PRKAG2: variants seen among roughly 807,000 people sequenced by gnomAD.
PRKAG2 encodes 5'-AMP-activated protein kinase subunit gamma-2.
PRKAG2 carries 26 observed loss-of-function variants against 69.6 expected under a neutral mutation model. That is an observed-to-expected ratio of 0.37 (90% CI 0.27 to 0.52). The LOEUF (loss-of-function observed/expected upper bound fraction) is 0.52, where lower values mean the gene tolerates loss of function less well. Ranked by LOEUF, PRKAG2 falls within the 20% of genes least tolerant of loss-of-function variation. PRKAG2 has a pLI of 0.90. For missense variants in PRKAG2, 557 were observed against 740.0 expected, an observed-to-expected ratio of 0.75 and a Z score of 2.87; for synonymous variants, 293 against 285.0, an observed-to-expected ratio of 1.03 and a Z score of -0.28.
At chr7:151,832,849 C>T (rs984701317) in intron 1 of PRKAG2, among the ~76,000 whole-genome samples, 10 of 152,246 alleles carry the variant, frequency 6.6e-5, no homozygotes, top group Middle Eastern at 6.8e-3. Flanking sequence ...GCAGTTAGGA[C>T]GGTGGCCATT....
At chr7:151,856,885 G>A (rs2151902713) in intron 1 of PRKAG2, among the ~76,000 whole-genome samples, 1 of 152,196 alleles carries the variant, frequency 6.6e-6, no homozygotes, top group East Asian at 1.9e-4. Context: ...AGGACAGCAG[G>A]CAGAAGACAA....
chr7:151,827,906 G>C (rs2078945061), intron 1 of PRKAG2, among the ~76,000 whole-genome samples: 1 of 152,146 alleles, frequency 6.6e-6, no homozygotes, highest in Non-Finnish European at 1.5e-5. Context: ...GTGGATGTGG[G>C]CGCTTCCCTG....
intron 12 of PRKAG2, 39 bp from the exon 13 acceptor site, chr7:151,565,422 G>A: frequency 2.4e-6 from 3 of 1,262,550 alleles, no homozygotes; most frequent in South Asian, 2.7e-5. Flanking sequence ...ATGTCTTAAG[G>A]GACAAAAAGA....
intron 3 of PRKAG2, among the ~76,000 whole-genome samples, chr7:151,714,070 T>A (rs540251302): frequency 3.5e-4 from 54 of 152,220 alleles, no homozygotes; most frequent in African/African-American, 1.3e-3. Context: ...AGCGGTTAGA[T>A]AACTCGGGCT....
At chr7:151,746,155 G>A (rs1268423139) in intron 3 of PRKAG2, among the ~76,000 whole-genome samples, 1 of 152,218 alleles carries the variant, frequency 6.6e-6, no homozygotes, top group Non-Finnish European at 1.5e-5. Flanking sequence ...TTAACTCCCG[G>A]ACTCAGCGGA....
rs117410824 is a variant in PRKAG2, at chr7:151,639,412, A to T, written c.685-7274T>A. ...AGTCATCTTGACTGGATTAAGGAAC[A>T]CCTAGACAACCGGTAAAGCATTATT... On this transcript the variant is annotated intron_variant, in intron 4 of 15. Transcript: ENST00000287878. 3.8e-3 allele frequency among the ~76,000 whole-genome samples: 571 copies of T among 152,186 alleles called. 2 individuals carry two copies. Among genetic ancestry groups the T allele is most frequent in the Non-Finnish European group, 6.3e-3 (429 of 67,992 alleles).
chr7:151,643,213 T>C (rs1827036444), intron 4 of PRKAG2, among the ~76,000 whole-genome samples: 1 of 152,346 alleles, frequency 6.6e-6, no homozygotes, highest in Admixed American at 6.5e-5. Context: ...ACTCTTAGTA[T>C]TGTCTTATAA....
At chr7:151,658,304 G>A (rs1829793719) in intron 4 of PRKAG2, among the ~76,000 whole-genome samples, 1 of 151,280 alleles carries the variant, frequency 6.6e-6, no homozygotes, top group Non-Finnish European at 1.5e-5. Context: ...TGACCAACAT[G>A]GTGAAACCCC....
intron 7 of PRKAG2, among the ~76,000 whole-genome samples, 154 bp from the exon 8 acceptor site, chr7:151,575,103 T>C (rs1296382620): frequency 6.6e-6 from 1 of 152,186 alleles, no homozygotes; most frequent in African/African-American, 2.4e-5. Context: ...AAACTATTGA[T>C]GTGTTAATTG....
intron 3 of PRKAG2, among the ~76,000 whole-genome samples, chr7:151,759,414 C>A (rs1316715346): frequency 2.0e-5 from 3 of 152,318 alleles, no homozygotes; most frequent in African/African-American, 7.2e-5. Context: ...CCGATTGTCC[C>A]TAGAATGGTA....
At chr7:151,709,134 A>G (rs17173238) in intron 3 of PRKAG2, among the ~76,000 whole-genome samples, 41,403 of 151,992 alleles carry the variant, frequency 0.27, 6,079 homozygotes, top group African/African-American at 0.33. Context: ...TGATATTGTG[A>G]CAATGAACAA....
At chr7:151,674,133 G>A (rs888997679) in intron 4 of PRKAG2, among the ~76,000 whole-genome samples, 1 of 152,154 alleles carries the variant, frequency 6.6e-6, no homozygotes, top group African/African-American at 2.4e-5. Context: ...ATGAGCCACC[G>A]CACCTGGCCT....
At chr7:151,834,728 T>C (rs1419414276) in intron 1 of PRKAG2, among the ~76,000 whole-genome samples, 2 of 151,446 alleles carry the variant, frequency 1.3e-5, no homozygotes, top group African/African-American at 2.4e-5. Flanking sequence ...GTGGAGGGAG[T>C]GTGGAGGGCT....
chr7:151,658,190 T>TAAATAAAC (rs1829763078), intron 4 of PRKAG2, among the ~76,000 whole-genome samples: 1 of 146,370 alleles, frequency 6.8e-6, no homozygotes, highest in East Asian at 2.0e-4. Flanking sequence ...AATAAATAAA[T>TAAATAAAC]AAATAAGAAT....
chr7:151,873,214 C>T (rs1403001601), intron 1 of PRKAG2, among the ~76,000 whole-genome samples: 2 of 152,178 alleles, frequency 1.3e-5, no homozygotes, highest in South Asian at 2.1e-4. Context: ...GCAGCCATCC[C>T]CTCCCGCCCG....
At chr7:151,712,215 T>C (rs989500314) in intron 3 of PRKAG2, among the ~76,000 whole-genome samples, 6 of 152,172 alleles carry the variant, frequency 3.9e-5, no homozygotes, top group Admixed American at 3.9e-4. Flanking sequence ...CCCGACCCTC[T>C]GAGAGCTCTG....
At chr7:151,710,718 A>G (rs1004394106) in intron 3 of PRKAG2, among the ~76,000 whole-genome samples, 1 of 152,146 alleles carries the variant, frequency 6.6e-6, no homozygotes, top group African/African-American at 2.4e-5. Context: ...TTCACTTGTC[A>G]CTATCCGCCC....
At chr7:151,671,973 C>G (rs972708041) in intron 4 of PRKAG2, among the ~76,000 whole-genome samples, 1 of 152,022 alleles carries the variant, frequency 6.6e-6, no homozygotes, top group African/African-American at 2.4e-5. Flanking sequence ...CCAGATCATT[C>G]CTCTTTTTGG....
intron 3 of PRKAG2, among the ~76,000 whole-genome samples, chr7:151,708,431 A>C (rs576830261): frequency 6.6e-6 from 1 of 152,330 alleles, no homozygotes; most frequent in East Asian, 1.9e-4. Context: ...GAAGCAACAA[A>C]AAATAAAAAT....
Sources: allele counts gnomAD v4.1 joint callset (sites outside exome capture counted in the v4.1 genomes callset), GRCh38; gene constraint gnomAD v4.1.1; transcripts MANE v1.5; gene names NCBI Gene and HGNC (gene_info 2026-07-23, HGNC 2026-07-21).